Variants in EMILIN2 observed in about 807,000 individuals in gnomAD.
EMILIN2 encodes elastin microfibril interfacer 2.
A neutral mutation model predicts 87.1 loss-of-function variants in EMILIN2; 71 were observed. That is an observed-to-expected ratio of 0.82 (90% CI 0.67 to 0.99). EMILIN2 has a LOEUF of 0.99. Ranked by LOEUF, EMILIN2 falls within the 50% of genes least tolerant of loss-of-function variation. The pLI, the probability that EMILIN2 is intolerant of heterozygous loss-of-function variation, is 0.00. For missense variants in EMILIN2, 1,407 were observed against 1,371.8 expected (o/e 1.03, Z -0.40); for synonymous variants, 581 against 563.4 (o/e 1.03, Z -0.44).
At chr18:2,863,406 T>A (rs1403368143) in intron 2 of EMILIN2, among the ~76,000 whole-genome samples, 1 of 152,230 alleles carries the variant, frequency 6.6e-6, no homozygotes, top group Non-Finnish European at 1.5e-5. Flanking sequence ...TCCCAGAGAT[T>A]GTGGTACGTT....
intron 2 of EMILIN2, among the ~76,000 whole-genome samples, chr18:2,851,476 G>A (rs1448941775): frequency 6.6e-6 from 1 of 152,128 alleles, no homozygotes; most frequent in Non-Finnish European, 1.5e-5. Flanking sequence ...GGGGACAGAA[G>A]TAAAGTAGCC....
chr18:2,892,509 A>C (rs769454079), intron 4 of EMILIN2, 23 bp downstream of exon 4: 13 of 1,543,352 alleles, frequency 8.4e-6, no homozygotes, highest in Non-Finnish European at 1.0e-5. Flanking sequence ...TTACAATTCT[A>C]TTTCTTGTAT....
chr18:2,911,224 G>A (rs975339039), intron 7 of EMILIN2, among the ~76,000 whole-genome samples: 8 of 152,166 alleles, frequency 5.3e-5, no homozygotes, highest in African/African-American at 1.7e-4. Flanking sequence ...CCAGGGTTGC[G>A]TCCCTTTCCT....
chr18:2,905,775 GTTTTTTTGTTTT>G (rs1018186047), intron 4 of EMILIN2, among the ~76,000 whole-genome samples: 1 of 92,714 alleles, frequency 1.1e-5, no homozygotes, highest in Non-Finnish European at 2.2e-5. Flanking sequence ...GCTAATTTTT[GTTTTTTTGTTTT>G]TTTTTTTTGG....
intron 7 of EMILIN2, among the ~76,000 whole-genome samples, chr18:2,911,126 G>A (rs2076938685): frequency 6.6e-6 from 1 of 152,232 alleles, no homozygotes; most frequent in African/African-American, 2.4e-5. Context: ...AGGAAGGAAA[G>A]TACACTCGGA....
chr18:2,903,739 T>C (rs910098992), intron 4 of EMILIN2, among the ~76,000 whole-genome samples: 1 of 152,240 alleles, frequency 6.6e-6, no homozygotes, highest in African/African-American at 2.4e-5. Flanking sequence ...TACAATTTTC[T>C]ACATCATAAA....
At chr18:2,855,805 C>T (rs970158292) in intron 2 of EMILIN2, among the ~76,000 whole-genome samples, 1 of 152,192 alleles carries the variant, frequency 6.6e-6, no homozygotes, top group African/African-American at 2.4e-5. Flanking sequence ...GGGGAGGAGG[C>T]CCCAGTGCGG....
Position 2,909,791 on chromosome 18 carries a change from C to T in EMILIN2, c.2796C>T (p.Asn932=), listed in dbSNP as rs547682767. Residue 932 remains asparagine (N), a synonymous_variant, in exon 7 of 8, where the codon AAC becomes AAT. Transcript: ENST00000254528. The part of the protein sequence containing the change: ...GVVLFNKVLV[N]DGDVYNPSTG... ...TCCTCTTTAACAAAGTGCTGGTGAA[C>T]GACGGGGATGTTTACAACCCCAGCA... 2.5e-6 allele frequency: 4 copies of T among 1,613,418 alleles called. No homozygotes were observed. Among genetic ancestry groups the T allele is most frequent in the Admixed American group, 3.3e-5 (2 of 59,834 alleles).
chr18:2,884,132 A>G (rs2076790989), intron 2 of EMILIN2, among the ~76,000 whole-genome samples: 2 of 151,828 alleles, frequency 1.3e-5, no homozygotes, highest in Admixed American at 1.3e-4. Flanking sequence ...ATGTTTTTGT[A>G]TTTTTAGTAG....
At chr18:2,905,098 G>C (rs1222677094) in intron 4 of EMILIN2, among the ~76,000 whole-genome samples, 1 of 152,062 alleles carries the variant, frequency 6.6e-6, no homozygotes, top group East Asian at 1.9e-4. Context: ...TGTAAATCCT[G>C]ATGCCATTCT....
chr18:2,878,869 G>C, intron 2 of EMILIN2, among the ~76,000 whole-genome samples: 1 of 152,246 alleles, frequency 6.6e-6, no homozygotes, highest in East Asian at 1.9e-4. Context: ...ACTGGAAGGA[G>C]AGGGATTTAC....
rs762035525 is a variant in EMILIN2 at position 2,880,348 on chromosome 18, C to A, written c.258-4616C>A. Among the ~76,000 whole-genome samples the A allele has an allele frequency of 3.3e-5, 5 of 152,308 alleles. No homozygotes were observed. Among genetic ancestry groups the A allele is most frequent in the Non-Finnish European group, 5.9e-5 (4 of 68,026 alleles). On this transcript the variant is annotated intron_variant, in intron 2 of 7. Coordinates refer to ENST00000254528, the MANE Select transcript of EMILIN2 (RefSeq NM_032048.3). The surrounding 1 kb of genome is among the most constrained non-coding windows in gnomAD (Gnocchi z 4.1). ...TAGTGTCTTGACACGGTTGCTGAAC[C>A]CATTAAAATGGGAAACCCTTGTTTT...
rs35471855 is a variant in EMILIN2, at chr18:2,897,864, T to TAAA, written c.2359+5391_2359+5393dup. 9.3e-5 allele frequency among the ~76,000 whole-genome samples: 13 copies of TAAA among 139,156 alleles called. 1 individual carries two copies. Among genetic ancestry groups the TAAA allele is most frequent in the Admixed American group, 6.4e-4 (9 of 14,074 alleles). The allele number at this position is 139,156 out of a possible 152,430, so 91.3% of individuals were successfully genotyped here. Reference sequence around the variant, plus strand: ...GCAGTACAGCATAATCCTGTCTCTTTAAAAAAAAAAAAAAAGCCTAGAGAT... The same window carrying TAAA: ...GCAGTACAGCATAATCCTGTCTCTTTAAAAAAAAAAAAAAAAAAGCCTAGAGAT... On this transcript the variant is annotated intron_variant, in intron 4 of 7. Transcript: ENST00000254528.
At chr18:2,861,735 T>C (rs866446146) in intron 2 of EMILIN2, among the ~76,000 whole-genome samples, 42 of 152,330 alleles carry the variant, frequency 2.8e-4, no homozygotes, top group Middle Eastern at 3.4e-3. Context: ...TGGTTCCATA[T>C]GAACTTTAAA....
chr18:2,855,374 G>C (rs149710484), intron 2 of EMILIN2, among the ~76,000 whole-genome samples: 1 of 152,192 alleles, frequency 6.6e-6, no homozygotes, highest in African/African-American at 2.4e-5. Context: ...CTGGGGCCTT[G>C]GAAAAAGAAC....
rs143370108 is a variant in EMILIN2 at position 2,913,155 on chromosome 18, G to C, written c.2913G>C (p.Ser971=). 1.2e-6 allele frequency: 2 copies of C among 1,613,756 alleles called. No individual in the cohort carries two copies. The highest frequency in any genetic ancestry group is 1.7e-5 in the Admixed American group (1 of 59,972). The change falls in exon 8 of 8, where the codon TCG becomes TCC. Residue 971 remains serine, a synonymous_variant. Coordinates refer to ENST00000254528, the MANE Select transcript of EMILIN2 (RefSeq NM_032048.3). ...ACGCCTACGTGGAAGCAGTGCTGTC[G>C]GTCTCCAACGCCAGCGTGGCCCAGC... ...ERDAYVEAVL[S]VSNASVAQLH... is the part of the protein sequence containing the mutation.
At chr18:2,879,774 T>C (rs1223626089) in intron 2 of EMILIN2, among the ~76,000 whole-genome samples, 3 of 151,848 alleles carry the variant, frequency 2.0e-5, no homozygotes. Context: ...GGTGTGATCA[T>C]GGCTCACTGC....
At chr18:2,903,127 T>C (rs941562530) in intron 4 of EMILIN2, among the ~76,000 whole-genome samples, 21 of 150,076 alleles carry the variant, frequency 1.4e-4, no homozygotes, top group Admixed American at 1.4e-3. Context: ...GAAAGAGAGG[T>C]TGAGAAGAGA....
Position 2,847,088 on chromosome 18 carries a change from C to G in EMILIN2, c.-101C>G. The G allele has an allele frequency of 9.3e-7, 1 of 1,076,668 alleles. No individual in the cohort carries two copies. Among genetic ancestry groups the G allele is most frequent in the Non-Finnish European group, 1.1e-6 (1 of 881,676 alleles). The allele number at this position is 1,076,668 out of a possible 1,614,324, so 66.7% of individuals were successfully genotyped here. On this transcript the variant is annotated 5_prime_UTR_variant, in exon 1 of 8. Transcript: ENST00000254528. This position sits in a 1 kb window ranked among gnomAD's most constrained non-coding sequence, Gnocchi z 4.5. Reference sequence around the variant, plus strand: ...CGCCGCGAAGCGCCCGAGCCTCTTGCCTTCGCGGGCGGCGCCCTGGCCGCC... The same window carrying G: ...CGCCGCGAAGCGCCCGAGCCTCTTGGCTTCGCGGGCGGCGCCCTGGCCGCC...
Sources: gnomAD v4.1 joint callset for allele counts (sites outside exome capture counted in the v4.1 genomes callset) on GRCh38, gnomAD v4.1.1 for gene constraint, Gnocchi (gnomAD v3.1) non-coding constraint, MANE v1.5 for transcripts, NCBI Gene and HGNC (gene_info 2026-07-23, HGNC 2026-07-21) for gene names.